VASH2: variants seen among roughly 807,000 people sequenced by gnomAD.
VASH2 encodes tubulinyl-Tyr carboxypeptidase 2.
A neutral mutation model predicts 37.2 loss-of-function variants in VASH2; 28 were observed. The ratio of observed to expected loss-of-function variants is 0.75; its 90% CI spans 0.56 to 1.03. VASH2 has a LOEUF of 1.03. Among genes scored for constraint, VASH2 ranks in the 50% least tolerant of loss-of-function variants. The probability of loss-of-function intolerance (pLI) is 0.00; values close to 1 mark genes in which losing one functional copy is unlikely to be tolerated. For synonymous variants in VASH2, 188 were observed against 174.7 expected (o/e 1.08, Z -0.60); for missense variants, 419 against 459.1 (o/e 0.91, Z 0.80).
chr1:212,964,723 T>C (rs1280625651), intron 3 of VASH2, among the ~76,000 whole-genome samples: 1 of 152,190 alleles, frequency 6.6e-6, no homozygotes, highest in African/African-American at 2.4e-5. Context: ...ACAGAGTCTA[T>C]GCGCTACTGC....
intron 7 of VASH2, among the ~76,000 whole-genome samples, chr1:212,975,804 G>A (rs1002795466): frequency 1.3e-5 from 2 of 152,180 alleles, no homozygotes; most frequent in Admixed American, 6.5e-5. Context: ...AGCAAATGTC[G>A]AGCAGAGTCT....
Position 212,951,963 on chromosome 1 carries a change from C to A in VASH2, c.276+145C>A. The A allele has an allele frequency of 9.7e-7, 1 of 1,030,040 alleles. No homozygotes were observed. Among genetic ancestry groups the A allele is most frequent in the Non-Finnish European group, 1.4e-6 (1 of 730,944 alleles). The allele number at this position is 1,030,040 out of a possible 1,614,324, so 63.8% of individuals were successfully genotyped here. A position where few individuals can be genotyped will look rare whatever the true frequency, so the allele number is the denominator to read the frequency against. Reference sequence around the variant, plus strand: ...CCTTCCTCTCCCCATTCCTTCCTGCCAGCCCTTTTCTAATTGAGATATTTA... The same window carrying A: ...CCTTCCTCTCCCCATTCCTTCCTGCAAGCCCTTTTCTAATTGAGATATTTA... On this transcript the variant is annotated intron_variant, in intron 2 of 7. Transcript: ENST00000517399. This position sits in a 1 kb window ranked among gnomAD's most constrained non-coding sequence, Gnocchi z 4.4.
In VASH2 at chr1:212,986,414, AGGAGACAAAAT is replaced by A. The variant is rs560873742; in HGVS notation, c.996-2093_996-2083del. The stretch of plus-strand genomic sequence containing the variant: ...TGTAAAGATGACACCACCTCAGGCA[AGGAGACAAAAT>A]GGAGGCTCACTTCAGGCTTTATGAG... On this transcript the variant is annotated intron_variant, in intron 7 of 7. Coordinates refer to ENST00000517399, the MANE Select transcript of VASH2 (RefSeq NM_001301056.2). Among the ~76,000 whole-genome samples the A allele has an allele frequency of 3.1e-3, 466 of 152,338 alleles. 1 individual carries two copies. Among genetic ancestry groups the A allele is most frequent in the African/African-American group, 0.01 (427 of 41,574 alleles).
At chr1:212,974,906 C>A (rs1667124530) in intron 7 of VASH2, 1 of 152,180 alleles carries the variant, frequency 6.6e-6, no homozygotes, top group South Asian at 2.1e-4. Context: ...GTTTCTTCAT[C>A]CATAAAAGAG....
chr1:212,968,433 G>A (rs988670371), intron 5 of VASH2: 1 of 985,426 alleles, frequency 1.0e-6, no homozygotes, highest in East Asian at 1.1e-4. Flanking sequence ...GGTCTAGTCT[G>A]TTTTCTGGGT....
intron 7 of VASH2, among the ~76,000 whole-genome samples, chr1:212,981,675 C>T (rs1375134928): frequency 6.6e-6 from 1 of 152,226 alleles, no homozygotes; most frequent in Non-Finnish European, 1.5e-5. Context: ...TACCGCCAGT[C>T]TGGCCTTTGT....
chr1:212,985,820 T>C (rs1458066825), intron 7 of VASH2, among the ~76,000 whole-genome samples: 3 of 152,210 alleles, frequency 2.0e-5, no homozygotes, highest in Non-Finnish European at 4.4e-5. Flanking sequence ...CCAGTTGTCT[T>C]TTGAAGACGT....
At chr1:212,953,464 C>T (rs1666386986) in intron 2 of VASH2, among the ~76,000 whole-genome samples, 1 of 152,168 alleles carries the variant, frequency 6.6e-6, no homozygotes, top group South Asian at 2.1e-4. Flanking sequence ...CACATTTCAT[C>T]ACTGATTGTT....
chr1:212,972,479 G>A, intron 5 of VASH2, 101 bp from the exon 6 acceptor site: 1 of 1,440,254 alleles, frequency 6.9e-7, no homozygotes, highest in Non-Finnish European at 9.4e-7. Flanking sequence ...TCAGAGGCAG[G>A]GGGATGGACT....
At position 212,991,451 on chromosome 1, in the gene VASH2, C is replaced by G. The variant is rs975472281; in HGVS notation, c.*2867C>G. On this transcript the variant is annotated 3_prime_UTR_variant, in exon 8 of 8. Transcript: ENST00000517399. The stretch of plus-strand genomic sequence containing the variant: ...TGTGATTGTTTTAGTGGGTATTTTT[C>G]TAATTAAATGAAAACTTGTATAATG... 33 of 152,180 alleles carry G rather than the reference C, an allele frequency of 2.2e-4. 1 individual carries two copies. Among genetic ancestry groups the G allele is most frequent in the Admixed American group, 2.0e-3 (31 of 15,288 alleles). 9.4% of individuals were successfully genotyped at this position (152,180 alleles called of 1,614,324 possible).
chr1:212,957,558 A>C (rs73084257), intron 2 of VASH2, among the ~76,000 whole-genome samples: 3 of 151,586 alleles, frequency 2.0e-5, no homozygotes, highest in Admixed American at 2.0e-4. Context: ...GGGATCATTC[A>C]GGTTTCCCCA....
intron 7 of VASH2, among the ~76,000 whole-genome samples, chr1:212,982,824 G>T (rs1667375535): frequency 6.6e-6 from 1 of 152,294 alleles, no homozygotes; most frequent in East Asian, 1.9e-4. Context: ...GGTGGCAGGG[G>T]TGGGGATACA....
rs898492648 is a variant in VASH2 at position 212,990,218 on chromosome 1, A to G, written c.*1634A>G. ...TTAATGAAAAGTACTGTTTTCTTAA[A>G]GAAGTCGAATGTCCTTTAGATGAAC... On this transcript the variant is annotated 3_prime_UTR_variant, in exon 8 of 8. Coordinates refer to ENST00000517399, the MANE Select transcript of VASH2 (RefSeq NM_001301056.2). 1 of 152,120 alleles carries G rather than the reference A, an allele frequency of 6.6e-6. No individual in the cohort carries two copies. The highest frequency in any genetic ancestry group is 2.4e-5 in the African/African-American group (1 of 41,456). The allele number at this position is 152,120 out of a possible 1,614,324, so 9.4% of individuals were successfully genotyped here.
In VASH2 at chr1:212,988,577, G is replaced by C; in HGVS notation, c.1061G>C (p.Arg354Pro). The change falls in exon 8 of 8, where the codon CGA (arginine) becomes CCA (proline). Residue 354 changes from arginine to proline, a missense_variant. Arg to Pro is a moderately radical substitution (Grantham distance 103, BLOSUM62 -2). Transcript: ENST00000517399. ...CTGAATGAAGTGGGCTATCAAATCCGAATTTAGCCAAGCCATACCGGCCAG... is the reference window on the plus strand; with the variant it reads ...CTGAATGAAGTGGGCTATCAAATCCCAATTTAGCCAAGCCATACCGGCCAG... ...STLNEVGYQI[R>P]I 3.1e-6 allele frequency: 5 copies of C among 1,614,008 alleles called. No individual in the cohort carries two copies. The highest frequency in any genetic ancestry group is 4.2e-6 in the Non-Finnish European group (5 of 1,179,958).
intron 7 of VASH2, among the ~76,000 whole-genome samples, chr1:212,987,167 C>T (rs758972736): frequency 2.6e-4 from 39 of 151,926 alleles, no homozygotes; most frequent in Non-Finnish European, 4.9e-4. Flanking sequence ...AGTTGGACCA[C>T]TTTTATGCCA....
At position 212,990,182 on chromosome 1, in the gene VASH2, A is replaced by C. The variant is rs1006961807; in HGVS notation, c.*1598A>C. The C allele has an allele frequency of 6.6e-6, 1 of 152,230 alleles. No homozygotes were observed. Among genetic ancestry groups the C allele is most frequent in the Non-Finnish European group, 1.5e-5 (1 of 68,046 alleles). The allele number at this position is 152,230 out of a possible 1,614,324, so 9.4% of individuals were successfully genotyped here. A position where few individuals can be genotyped will look rare whatever the true frequency, so the allele number is the denominator to read the frequency against. On this transcript the variant is annotated 3_prime_UTR_variant, in exon 8 of 8. Transcript: ENST00000517399. ...GCACAAGAGCTTACTTCACCCTGAA[A>C]ATCAGTATTATTAATGAAAAGTACT...
At chr1:212,974,654 T>C (rs1169931986) in intron 7 of VASH2, 5 of 152,210 alleles carry the variant, frequency 3.3e-5, no homozygotes, top group Non-Finnish European at 5.9e-5. Flanking sequence ...ACTTAAGCAA[T>C]GACAGATTGG....
Position 212,951,391 on chromosome 1 carries a change from T to TGGCGCCAAAGGCACCC in VASH2, c.-150_-149insCGCCAAAGGCACCCGG. ...CGGAGCTCCCGCCGCCGCTCCCCCT[T>TGGCGCCAAAGGCACCC]GGTGAGTCCTGCCGCAGCGAGAGGC... On this transcript the variant is annotated 5_prime_UTR_variant, in exon 2 of 8. Transcript: ENST00000517399. This position sits in a 1 kb window ranked among gnomAD's most constrained non-coding sequence, Gnocchi z 4.4. 1 of 274,104 alleles carries TGGCGCCAAAGGCACCC rather than the reference T, an allele frequency of 3.6e-6. No individual in the cohort carries two copies. The highest frequency in any genetic ancestry group is 5.6e-6 in the Non-Finnish European group (1 of 177,260). 17.0% of individuals were successfully genotyped at this position (274,104 alleles called of 1,614,324 possible).
chr1:212,954,269 G>A (rs972107992), intron 2 of VASH2, among the ~76,000 whole-genome samples: 4 of 152,088 alleles, frequency 2.6e-5, no homozygotes, highest in Non-Finnish European at 5.9e-5. Context: ...CTCCTTCTGA[G>A]ACAATTCCTA....
Sources: allele counts gnomAD v4.1 joint callset (sites outside exome capture counted in the v4.1 genomes callset), GRCh38; gene constraint gnomAD v4.1.1; non-coding constraint Gnocchi (gnomAD v3.1); transcripts MANE v1.5; gene names NCBI Gene and HGNC (gene_info 2026-07-23, HGNC 2026-07-21).